The following WDFY2 variants were observed in gnomAD, a reference collection of about 807,000 sequenced individuals.
WDFY2 encodes WD repeat and FYVE domain-containing protein 2.
Under a neutral mutation model 56.4 loss-of-function variants are expected in WDFY2, and 36 were observed. That is an observed-to-expected ratio of 0.64 (90% CI 0.49 to 0.84). The LOEUF (loss-of-function observed/expected upper bound fraction) is 0.84. WDFY2 is among the 40% of genes least tolerant of loss of function. The probability of loss-of-function intolerance (pLI) is 0.00; values close to 1 mark genes in which losing one functional copy is unlikely to be tolerated. For missense variants in WDFY2, 444 were observed against 512.2 expected, an observed-to-expected ratio of 0.87 and a Z score of 1.29; for synonymous variants, 176 against 183.7, an observed-to-expected ratio of 0.96 and a Z score of 0.34.
chr13:51,596,893 A>T (rs527658080), intron 1 of WDFY2, among the ~76,000 whole-genome samples: 11 of 152,206 alleles, frequency 7.2e-5, no homozygotes, highest in Non-Finnish European at 1.6e-4. Flanking sequence ...CAAGGCTCAG[A>T]ATAAGTTAAA....
At chr13:51,666,662 A>G (rs1443301788) in intron 2 of WDFY2, among the ~76,000 whole-genome samples, 1 of 152,146 alleles carries the variant, frequency 6.6e-6, no homozygotes, top group East Asian at 1.9e-4. Flanking sequence ...TGAAACATGA[A>G]ACTTAACTGA....
intron 1 of WDFY2, among the ~76,000 whole-genome samples, chr13:51,632,126 T>C (rs1566326501): frequency 1.3e-5 from 2 of 152,156 alleles, no homozygotes; most frequent in African/African-American, 2.4e-5. Flanking sequence ...TACTCCATTG[T>C]CTTTTAACAC....
At chr13:51,691,571 C>T (rs1200545658) in intron 3 of WDFY2, among the ~76,000 whole-genome samples, 1 of 151,954 alleles carries the variant, frequency 6.6e-6, no homozygotes. Flanking sequence ...TGTTTTGGTA[C>T]CAGTACCATG....
chr13:51,670,478 T>C (rs1024986830), intron 2 of WDFY2, among the ~76,000 whole-genome samples: 16 of 144,504 alleles, frequency 1.1e-4, no homozygotes, highest in Admixed American at 9.9e-4. Context: ...TCTCACCTAC[T>C]GTGCGCACAT....
intron 1 of WDFY2, among the ~76,000 whole-genome samples, chr13:51,605,920 G>A (rs556249242): frequency 6.6e-5 from 10 of 152,250 alleles, no homozygotes; most frequent in African/African-American, 2.4e-4. Flanking sequence ...GTCTTTCATT[G>A]TCACTGTATG....
intron 3 of WDFY2, among the ~76,000 whole-genome samples, chr13:51,697,806 C>G (rs1951906764): frequency 1.3e-5 from 2 of 152,162 alleles, no homozygotes; most frequent in Admixed American, 1.3e-4. Context: ...TACAAAACAT[C>G]ATCAGTAGTA....
At chr13:51,598,235 C>T (rs1331814161) in intron 1 of WDFY2, among the ~76,000 whole-genome samples, 6 of 152,122 alleles carry the variant, frequency 3.9e-5, no homozygotes, top group African/African-American at 1.2e-4. Context: ...TGGCGGGCAC[C>T]TGTAATCCCA....
chr13:51,688,532 G>C (rs921538808), intron 3 of WDFY2, among the ~76,000 whole-genome samples: 3 of 152,082 alleles, frequency 2.0e-5, no homozygotes, highest in African/African-American at 7.2e-5. Context: ...CTGACCCTGA[G>C]ACTTTTTCCT....
intron 4 of WDFY2, among the ~76,000 whole-genome samples, chr13:51,715,929 T>C (rs1005613108): frequency 1.3e-5 from 2 of 152,164 alleles, no homozygotes; most frequent in African/African-American, 4.8e-5. Flanking sequence ...AACTCATATG[T>C]ACCTCTTCAT....
chr13:51,630,059 C>G (rs1954922384), intron 1 of WDFY2, among the ~76,000 whole-genome samples: 1 of 152,012 alleles, frequency 6.6e-6, no homozygotes, highest in Admixed American at 6.5e-5. Context: ...AACATAATAT[C>G]TCCAGCACAT....
intron 4 of WDFY2, among the ~76,000 whole-genome samples, chr13:51,713,908 T>A (rs1226008243): frequency 6.6e-6 from 1 of 150,662 alleles, no homozygotes; most frequent in Admixed American, 6.6e-5. Context: ...GAGATACTTA[T>A]GGTAATCAAA....
At chr13:51,697,705 A>C (rs1004576739) in intron 3 of WDFY2, among the ~76,000 whole-genome samples, 1 of 152,110 alleles carries the variant, frequency 6.6e-6, no homozygotes, top group African/African-American at 2.4e-5. Context: ...TTCCAATGGG[A>C]TATTACGTAG....
In WDFY2 at chr13:51,691,478, C is replaced by G. The variant is rs879907574; in HGVS notation, c.280-12118C>G. ...AATCCTTTCCCCATTGCTTGTTTTT[C>G]TCAGGTTTGTCAAAGATCAGATAGT... On this transcript the variant is annotated intron_variant, in intron 3 of 11. Coordinates refer to ENST00000298125, the MANE Select transcript of WDFY2 (RefSeq NM_052950.4). 5.3e-3 allele frequency among the ~76,000 whole-genome samples: 791 copies of G among 150,432 alleles called. 4 individuals are homozygous for G. The highest frequency in any genetic ancestry group is 7.8e-3 in the Non-Finnish European group (525 of 67,630).
chr13:51,622,998 C>G (rs1349056935), intron 1 of WDFY2, among the ~76,000 whole-genome samples: 1 of 151,704 alleles, frequency 6.6e-6, no homozygotes, highest in African/African-American at 2.4e-5. Flanking sequence ...GTTGGGATTA[C>G]AAGCACGCAC....
chr13:51,609,739 A>C (rs1407702340), intron 1 of WDFY2, among the ~76,000 whole-genome samples: 1 of 152,032 alleles, frequency 6.6e-6, no homozygotes, highest in African/African-American at 2.4e-5. Context: ...TGTTACCTTG[A>C]AAATTCAGTG....
chr13:51,720,233 C>T (rs1952456821), intron 5 of WDFY2, among the ~76,000 whole-genome samples: 1 of 152,164 alleles, frequency 6.6e-6, no homozygotes, highest in African/African-American at 2.4e-5. Context: ...AAGTACATTG[C>T]AGTTTCTTTG....
At chr13:51,657,370 A>C (rs915661876) in intron 1 of WDFY2, among the ~76,000 whole-genome samples, 9 of 152,142 alleles carry the variant, frequency 5.9e-5, no homozygotes, top group Admixed American at 1.3e-4. Flanking sequence ...CTTTACCAGT[A>C]ATCTTTAATT....
At chr13:51,670,055 G>A (rs977695823) in intron 2 of WDFY2, among the ~76,000 whole-genome samples, 1 of 152,274 alleles carries the variant, frequency 6.6e-6, no homozygotes, top group South Asian at 2.1e-4. Context: ...TCCCCAGCCA[G>A]TTTGTCTGTA....
chr13:51,717,443 GCCT>G (rs1952381017), intron 4 of WDFY2, among the ~76,000 whole-genome samples: 1 of 151,940 alleles, frequency 6.6e-6, no homozygotes, highest in Non-Finnish European at 1.5e-5. Flanking sequence ...TCTAGCCTCT[GCCT>G]CCTCTGGCAC....
Sources: allele counts gnomAD v4.1 joint callset (sites outside exome capture counted in the v4.1 genomes callset), GRCh38; gene constraint gnomAD v4.1.1; transcripts MANE v1.5; gene names NCBI Gene and HGNC (gene_info 2026-07-23, HGNC 2026-07-21).